The following TRPM1 variants were observed in gnomAD, a reference collection of about 807,000 sequenced individuals.
TRPM1 encodes the protein transient receptor potential cation channel subfamily M member 1.
A neutral mutation model predicts 149.4 loss-of-function variants in TRPM1; 113 were observed. The observed-to-expected ratio is 0.76, with a 90% CI of 0.65 to 0.88. The LOEUF (loss-of-function observed/expected upper bound fraction) is 0.88, where lower values mean the gene tolerates loss of function less well. Among genes scored for constraint, TRPM1 ranks in the 40% least tolerant of loss-of-function variants. The pLI, the probability that TRPM1 is intolerant of heterozygous loss-of-function variation, is 0.00. For missense variants in TRPM1, 1,976 were observed against 2,038.7 expected (o/e 0.97, Z 0.59); for synonymous variants, 741 against 759.5 (o/e 0.98, Z 0.40).
intron 1 of TRPM1, among the ~76,000 whole-genome samples, chr15:31,154,117 G>C (rs1398811230): frequency 6.6e-6 from 1 of 152,214 alleles, no homozygotes; most frequent in African/African-American, 2.4e-5. Flanking sequence ...TCTGTCTACG[G>C]AATTTAACAA....
At position 31,040,376 on chromosome 15, in the gene TRPM1, A is replaced by T. The variant is rs755758598; in HGVS notation, c.2088-30T>A. 4 of 1,597,314 alleles carry T rather than the reference A, an allele frequency of 2.5e-6. No homozygotes were observed. The Admixed American group carries it at 6.7e-5, about 27-fold the overall frequency. On this transcript the variant is annotated intron_variant, in intron 17 of 27. Coordinates refer to ENST00000256552, the MANE Select transcript of TRPM1 (RefSeq NM_001252024.2). The surrounding 1 kb of genome is among the most constrained non-coding windows in gnomAD (Gnocchi z 4.2). ...GGGGAAAGAGAAGGGACCAGGGTGA[A>T]GCCACAGTGGCCGCAAGCTGTTTCT...
chr15:31,130,924 A>G (rs976885084), intron 1 of TRPM1, among the ~76,000 whole-genome samples: 12 of 152,112 alleles, frequency 7.9e-5, no homozygotes, highest in African/African-American at 2.9e-4. Flanking sequence ...AACTCTCTCC[A>G]TTGCAATTCC....
chr15:31,047,322 G>C (rs995131194), intron 14 of TRPM1, 71 bp from the exon 15 acceptor site: 4 of 1,587,482 alleles, frequency 2.5e-6, no homozygotes, highest in Non-Finnish European at 3.5e-6. Flanking sequence ...CACGTCTAGG[G>C]GGTAAGTGGC....
At chr15:31,146,831 A>G (rs1280337122) in intron 1 of TRPM1, among the ~76,000 whole-genome samples, 7 of 152,218 alleles carry the variant, frequency 4.6e-5, no homozygotes, top group Admixed American at 4.6e-4. Context: ...TACTAAAAAT[A>G]CAAAAAATTA....
At position 31,047,991 on chromosome 15, in the gene TRPM1, G is replaced by A. The variant is rs758977417; in HGVS notation, c.1573-52C>T. 54 of 1,520,406 alleles carry A rather than the reference G, an allele frequency of 3.6e-5. No individual in the cohort carries two copies. In the East Asian group the frequency reaches 6.1e-4, roughly 17 times the overall value. The allele number at this position is 1,520,406 out of a possible 1,614,324, so 94.2% of individuals were successfully genotyped here. The stretch of plus-strand genomic sequence containing the variant: ...AAATATGTTTTTCTTGGCCAGGCGC[G>A]GTGGCTCACGCCTGTAGTCCCAGCA... On this transcript the variant is annotated intron_variant, in intron 13 of 27. Coordinates refer to ENST00000256552, the MANE Select transcript of TRPM1 (RefSeq NM_001252024.2).
At chr15:31,082,186 C>T (rs1176284174) in intron 1 of TRPM1, among the ~76,000 whole-genome samples, 3 of 152,202 alleles carry the variant, frequency 2.0e-5, no homozygotes, top group Non-Finnish European at 4.4e-5. Flanking sequence ...AACCTCCCCA[C>T]CCCCATTAGG....
At chr15:31,081,296 C>T (rs2034850209) in intron 2 of TRPM1, 57 bp downstream of exon 2, 1 of 852,228 alleles carries the variant, frequency 1.2e-6, no homozygotes, top group East Asian at 3.4e-5. Context: ...ATGTGACTAA[C>T]GTACTTTCTC....
chr15:31,073,105 C>G (rs1453872149), intron 3 of TRPM1, among the ~76,000 whole-genome samples: 1 of 151,948 alleles, frequency 6.6e-6, no homozygotes, highest in East Asian at 1.9e-4. Context: ...CATGATTTAC[C>G]CTTACATTTT....
intron 22 of TRPM1, among the ~76,000 whole-genome samples, chr15:31,031,848 G>A (rs1449267299): frequency 6.6e-6 from 1 of 152,120 alleles, no homozygotes; most frequent in Non-Finnish European, 1.5e-5. Flanking sequence ...CTGTTCTGGA[G>A]TATAAGTCAT....
intron 22 of TRPM1, among the ~76,000 whole-genome samples, chr15:31,032,093 T>C (rs1475547092): frequency 2.7e-5 from 4 of 148,272 alleles, no homozygotes; most frequent in African/African-American, 1.0e-4. Flanking sequence ...GTCCCTGTAC[T>C]AAAGAATGCT....
intron 1 of TRPM1, among the ~76,000 whole-genome samples, chr15:31,136,583 G>T (rs1490050979): frequency 2.6e-5 from 4 of 152,132 alleles, no homozygotes; most frequent in African/African-American, 9.7e-5. Flanking sequence ...TTCACCAAAT[G>T]GGCCACCTTC....
In TRPM1 at chr15:31,001,566, T is replaced by C. The variant is rs1399087128; in HGVS notation, c.*256A>G. The C allele has an allele frequency of 5.4e-6, 3 of 553,702 alleles. No homozygotes were observed. The highest frequency in any genetic ancestry group is 9.6e-6 in the Non-Finnish European group (3 of 313,956). 34.3% of individuals were successfully genotyped at this position (553,702 alleles called of 1,614,324 possible). On this transcript the variant is annotated 3_prime_UTR_variant, in exon 28 of 28. Transcript: ENST00000256552. ...TCAGTAATAAAGAGATTGTATAATC[T>C]TGTATACTGATTAGCCAATTTATCT...
chr15:31,159,257 C>A (rs901616438), intron 1 of TRPM1, among the ~76,000 whole-genome samples: 2 of 152,168 alleles, frequency 1.3e-5, no homozygotes, highest in Non-Finnish European at 2.9e-5. Context: ...GCTCCCAGAC[C>A]CTACCCATTG....
At chr15:31,141,233 A>G (rs1379155182) in intron 1 of TRPM1, among the ~76,000 whole-genome samples, 2 of 152,214 alleles carry the variant, frequency 1.3e-5, no homozygotes, top group Non-Finnish European at 2.9e-5. Flanking sequence ...TTTATAAATT[A>G]TAACATGCAT....
At chr15:31,068,856 C>T (rs2034454779) in intron 4 of TRPM1, among the ~76,000 whole-genome samples, 1 of 152,014 alleles carries the variant, frequency 6.6e-6, no homozygotes, top group African/African-American at 2.4e-5. Flanking sequence ...TGGGCCCTCG[C>T]CAGGCACCAA....
In TRPM1 at chr15:31,070,333, C is replaced by CTGT; in HGVS notation, c.84-108_84-107insACA. 3.8e-6 allele frequency: 4 copies of CTGT among 1,056,806 alleles called. No individual in the cohort carries two copies. The East Asian group carries it at 7.1e-5, about 19-fold the overall frequency. 65.5% of individuals were successfully genotyped at this position (1,056,806 alleles called of 1,614,324 possible). A position where few individuals can be genotyped will look rare whatever the true frequency, so the allele number is the denominator to read the frequency against. On this transcript the variant is annotated intron_variant, in intron 3 of 27. Transcript: ENST00000256552. ...AGGTGAGTTGGGCCCAAACAGGAGCCTACTAACACTTCAGTAAGCCAGCGT... is the reference window on the plus strand; with the variant it reads ...AGGTGAGTTGGGCCCAAACAGGAGCCTGTTACTAACACTTCAGTAAGCCAGCGT...
At chr15:31,089,866 C>T (rs888159094) in intron 1 of TRPM1, among the ~76,000 whole-genome samples, 2 of 152,192 alleles carry the variant, frequency 1.3e-5, no homozygotes, top group Non-Finnish European at 1.5e-5. Flanking sequence ...ATAACTGTGC[C>T]ATGTGGCGCA....
chr15:31,143,295 T>C (rs1297640636), intron 1 of TRPM1, among the ~76,000 whole-genome samples: 1 of 152,254 alleles, frequency 6.6e-6, no homozygotes, highest in Non-Finnish European at 1.5e-5. Flanking sequence ...ATTAATTACA[T>C]GAAGCTGAAT....
At chr15:31,003,288 T>G (rs929436850) in intron 27 of TRPM1, among the ~76,000 whole-genome samples, 1 of 152,248 alleles carries the variant, frequency 6.6e-6, no homozygotes, top group African/African-American at 2.4e-5. Context: ...ATATAGTACT[T>G]ACTGCTCAGT....
Sources: allele counts gnomAD v4.1 joint callset (sites outside exome capture counted in the v4.1 genomes callset), GRCh38; gene constraint gnomAD v4.1.1; non-coding constraint Gnocchi (gnomAD v3.1); transcripts MANE v1.5; gene names NCBI Gene and HGNC (gene_info 2026-07-23, HGNC 2026-07-21).